Variants in MED29 observed in about 807,000 individuals in gnomAD.
MED29 encodes mediator complex subunit 29.
Under a neutral mutation model 22.0 loss-of-function variants are expected in MED29, and 14 were observed. The ratio of observed to expected loss-of-function variants is 0.64; its 90% CI spans 0.42 to 0.99. The LOEUF (loss-of-function observed/expected upper bound fraction) is 0.99, where lower values mean the gene tolerates loss of function less well. Among genes scored for constraint, MED29 ranks in the 50% least tolerant of loss-of-function variants. MED29 has a pLI of 0.00. For synonymous variants in MED29, 123 were observed against 107.8 expected, an observed-to-expected ratio of 1.14 and a Z score of -0.87; for missense variants, 241 against 253.7, an observed-to-expected ratio of 0.95 and a Z score of 0.34.
rs1192933028 is a variant in MED29, at chr19:39,397,480, A to C, written c.384A>C (p.Ser128=). The stretch of plus-strand genomic sequence containing the variant: ...AGCGCCTGGCGCATGAGTGCCTGTC[A>C]CAGAGTTGTGACAGTGCCAAGCACT... ...LCLRLAHECL[S]QSCDSAKHSP... is the part of the protein sequence containing the mutation. The change falls in exon 4 of 4, where the codon TCA becomes TCC. Residue 128 remains serine (S), a synonymous_variant. Transcript: ENST00000315588. 10 of 1,608,118 alleles carry C rather than the reference A, an allele frequency of 6.2e-6. No individual in the cohort carries two copies. The highest frequency in any genetic ancestry group is 8.5e-6 in the Non-Finnish European group (10 of 1,179,948).
At chr19:39,395,969 T>A (rs1369205280) in intron 3 of MED29, among the ~76,000 whole-genome samples, 1 of 150,866 alleles carries the variant, frequency 6.6e-6, no homozygotes, top group Non-Finnish European at 1.5e-5. Flanking sequence ...AGAAGCAGTT[T>A]TGGGGAGTAC....
chr19:39,393,439 TTCAGATC>T (rs2078410748), intron 2 of MED29, 107 bp from the exon 3 acceptor site: 1 of 982,060 alleles, frequency 1.0e-6, no homozygotes, highest in Non-Finnish European at 1.6e-6. Flanking sequence ...CAACCACTAC[TTCAGATC>T]TCCTGGACCT....
At chr19:39,392,349 T>C in intron 1 of MED29, 115 bp from the exon 2 acceptor site, 1 of 861,646 alleles carries the variant, frequency 1.2e-6, no homozygotes, top group South Asian at 1.5e-5. Flanking sequence ...GGAGGGAAGG[T>C]GCCAGTTGAA....
intron 2 of MED29, among the ~76,000 whole-genome samples, chr19:39,393,049 C>A (rs1035412814): frequency 9.9e-5 from 14 of 141,320 alleles, no homozygotes; most frequent in Admixed American, 5.0e-4. Context: ...CATGCCCAGC[C>A]TTTTCCTTTT....
chr19:39,394,586 A>G (rs1369301050), intron 3 of MED29, among the ~76,000 whole-genome samples: 1 of 100,982 alleles, frequency 9.9e-6, no homozygotes, highest in Non-Finnish European at 1.9e-5. Context: ...TTTTTTTGAG[A>G]CAGAGTCTCA....
chr19:39,391,426 G>A lies in MED29; in HGVS notation c.4G>A (p.Ala2Thr). 6.2e-7 allele frequency: 1 copy of A among 1,612,382 alleles called. No individual in the cohort carries two copies. Among genetic ancestry groups the A allele is most frequent in the Non-Finnish European group, 8.5e-7 (1 of 1,178,566 alleles). M[A>T]ASQQQASAAS... ...TCCGGCGGTCTACGCGAGGAAGATG[G>A]CTGCATCCCAGCAGCAAGCTTCAGC... Residue 2 changes from alanine (A) to threonine (T), a missense_variant, in exon 1 of 4, where the codon GCT (alanine) becomes ACT (threonine). Transcript: ENST00000315588.
intron 3 of MED29, among the ~76,000 whole-genome samples, chr19:39,394,203 A>C (rs780704951): frequency 2.0e-5 from 3 of 152,092 alleles, no homozygotes; most frequent in Non-Finnish European, 4.4e-5. Context: ...ACTGCTTAAC[A>C]TGATACCAGG....
chr19:39,397,261 A>C (rs951323549), intron 3 of MED29, among the ~76,000 whole-genome samples, 196 bp from the exon 4 acceptor site: 19 of 152,166 alleles, frequency 1.2e-4, no homozygotes, highest in Non-Finnish European at 2.8e-4. Context: ...CCGTTTTCCA[A>C]AGGAGGAAAC....
rs538770121 is a variant in MED29 at position 39,398,855 on chromosome 19, G to A, written c.*1156G>A. 3.3e-5 allele frequency: 5 copies of A among 152,324 alleles called. No homozygotes were observed. The East Asian group carries it at 5.8e-4, about 18-fold the overall frequency. The allele number at this position is 152,324 out of a possible 1,614,324, so 9.4% of individuals were successfully genotyped here. A position where few individuals can be genotyped will look rare whatever the true frequency, so the allele number is the denominator to read the frequency against. ...CATGGCCTCCTGTCCTGGACCCCACGTCTGCAAGGAAACCCTAGGACCATG... is the reference window on the plus strand; with the variant it reads ...CATGGCCTCCTGTCCTGGACCCCACATCTGCAAGGAAACCCTAGGACCATG... On this transcript the variant is annotated 3_prime_UTR_variant, in exon 4 of 4. Transcript: ENST00000315588.
chr19:39,397,051 C>A (rs1303494404), intron 3 of MED29, among the ~76,000 whole-genome samples: 1 of 141,524 alleles, frequency 7.1e-6, no homozygotes, highest in African/African-American at 2.7e-5. Context: ...GAAAGTAGTA[C>A]CTAGAGCAGC....
intron 2 of MED29, 147 bp from the exon 3 acceptor site, chr19:39,393,406 T>C (rs1022595746): frequency 6.7e-6 from 5 of 747,690 alleles, no homozygotes; most frequent in African/African-American, 1.8e-5. Context: ...TCCTTTTCTT[T>C]TTTTTTGAAC....
At chr19:39,394,884 A>G (rs2078419969) in intron 3 of MED29, among the ~76,000 whole-genome samples, 1 of 149,156 alleles carries the variant, frequency 6.7e-6, no homozygotes, top group Non-Finnish European at 1.5e-5. Context: ...CCTCCAAGTC[A>G]GAGTCTCACT....
Position 39,392,534 on chromosome 19 carries a change from C to G in MED29, c.275+12C>G, listed in dbSNP as rs1280636317. 1 of 1,612,888 alleles carries G rather than the reference C, an allele frequency of 6.2e-7. No homozygotes were observed. Among genetic ancestry groups the G allele is most frequent in the African/African-American group, 1.3e-5 (1 of 74,962 alleles). On this transcript the variant is annotated intron_variant, in intron 2 of 3. Coordinates refer to ENST00000315588, the MANE Select transcript of MED29 (RefSeq NM_017592.4). ...ATCGACAATGGACAGTGAGTGCAGC[C>G]CCCTTTACCAGGATATTCTATTGCC...
chr19:39,393,424 G>A (rs1360547713), intron 2 of MED29, 129 bp from the exon 3 acceptor site: 2 of 869,354 alleles, frequency 2.3e-6, no homozygotes, highest in Non-Finnish European at 3.7e-6. Context: ...AACCCCTCCG[G>A]TTTTCAACCA....
At chr19:39,395,214 A>G (rs1208449944) in intron 3 of MED29, among the ~76,000 whole-genome samples, 1 of 152,238 alleles carries the variant, frequency 6.6e-6, no homozygotes, top group Non-Finnish European at 1.5e-5. Flanking sequence ...TGTTCCAAAC[A>G]GAGGGAATAA....
intron 3 of MED29, among the ~76,000 whole-genome samples, chr19:39,397,111 G>C (rs1249114327): frequency 6.6e-6 from 1 of 152,108 alleles, no homozygotes; most frequent in Non-Finnish European, 1.5e-5. Context: ...CCAACACCAG[G>C]CCTGGAGCCA....
chr19:39,397,512 C>T lies in MED29; in HGVS notation c.416C>T (p.Thr139Met), dbSNP rs775109742. Residue 139 changes from threonine (T) to methionine (M), a missense_variant, in exon 4 of 4, where the codon ACG (threonine) becomes ATG (methionine). Physicochemically the swap from Thr to Met is moderately conservative, Grantham distance 81. Transcript: ENST00000315588. ...QSCDSAKHSP[T>M]LVPTATKPDA... is the part of the protein sequence containing the mutation. ...TGTGACAGTGCCAAGCACTCTCCAACGTTGGTGCCCACAGCCACCAAGCCC... is the reference window on the plus strand; with the variant it reads ...TGTGACAGTGCCAAGCACTCTCCAATGTTGGTGCCCACAGCCACCAAGCCC... The T allele has an allele frequency of 8.1e-6, 13 of 1,611,976 alleles. No homozygotes were observed. Among genetic ancestry groups the T allele is most frequent in the South Asian group, 5.5e-5 (5 of 91,090 alleles).
chr19:39,393,577 G>A lies in MED29; in HGVS notation c.300G>A (p.Gln100=). The A allele has an allele frequency of 6.2e-7, 1 of 1,614,118 alleles. No individual in the cohort carries two copies. The highest frequency in any genetic ancestry group is 8.5e-7 in the Non-Finnish European group (1 of 1,179,978). ...GAAAGAGCAGTGATGGACCCATACA[G>A]CGCTTTGACAAGTGCCTGGAAGAGT... is the stretch of plus-strand genomic sequence containing the variant. The part of the protein sequence containing the change: ...NGQKSSDGPI[Q]RFDKCLEEFY... Residue 100 remains glutamine, a synonymous_variant, in exon 3 of 4, where the codon CAG becomes CAA. Coordinates refer to ENST00000315588, the MANE Select transcript of MED29 (RefSeq NM_017592.4).
chr19:39,397,600 T>A lies in MED29; in HGVS notation c.504T>A (p.Ile168=). 1 of 1,613,840 alleles carries A rather than the reference T, an allele frequency of 6.2e-7. No homozygotes were observed. Among genetic ancestry groups the A allele is most frequent in the Non-Finnish European group, 8.5e-7 (1 of 1,180,008 alleles). ...PQYLAVIKAQ[I]SCAKDIHTAL... is the part of the protein sequence containing the mutation. Reference sequence around the variant, plus strand: ...ACCTGGCGGTCATCAAAGCCCAGATTTCCTGTGCCAAGGACATTCACACCG... The same window carrying A: ...ACCTGGCGGTCATCAAAGCCCAGATATCCTGTGCCAAGGACATTCACACCG... Residue 168 remains isoleucine (I), a synonymous_variant, in exon 4 of 4, where the codon ATT becomes ATA. Coordinates refer to ENST00000315588, the MANE Select transcript of MED29 (RefSeq NM_017592.4).
Sources: gnomAD v4.1 joint callset for allele counts (sites outside exome capture counted in the v4.1 genomes callset) on GRCh38, gnomAD v4.1.1 for gene constraint, MANE v1.5 for transcripts, NCBI Gene and HGNC (gene_info 2026-07-23, HGNC 2026-07-21) for gene names.